Variants in ARRB1 observed in about 807,000 individuals in gnomAD.
The protein encoded by ARRB1 is arrestin beta 1, also known as beta-arrestin-1.
In ARRB1, 21 loss-of-function variants were observed where a neutral mutation model predicts 56.8. The observed-to-expected ratio is 0.37, with a 90% CI of 0.26 to 0.53. The LOEUF (loss-of-function observed/expected upper bound fraction) is 0.53, where lower values mean the gene tolerates loss of function less well. ARRB1 is among the 20% of genes least tolerant of loss of function. ARRB1 has a pLI of 0.88. For synonymous variants in ARRB1, 210 were observed against 218.6 expected (o/e 0.96, Z 0.35); for missense variants, 424 against 553.7 (o/e 0.77, Z 2.35).
intron 6 of ARRB1, chr11:75,281,496 G>A: frequency 2.8e-6 from 1 of 353,486 alleles, no homozygotes; most frequent in Non-Finnish European, 5.2e-6. Context: ...GGCCCTGGGT[G>A]GCTTATCCGG....
chr11:75,322,405 C>T (rs1477575539), intron 1 of ARRB1, among the ~76,000 whole-genome samples: 2 of 152,220 alleles, frequency 1.3e-5, no homozygotes, highest in Admixed American at 6.5e-5. Flanking sequence ...ACTTGGGATT[C>T]TGAGGCAGGA....
intron 1 of ARRB1, among the ~76,000 whole-genome samples, chr11:75,317,653 T>C (rs685929): frequency 0.1 from 15,778 of 152,202 alleles, 902 homozygotes; most frequent in Middle Eastern, 0.21. Flanking sequence ...TCTGTTTTGC[T>C]GCCATGGTAT....
At chr11:75,290,683 A>G (rs1946589724) in intron 1 of ARRB1, among the ~76,000 whole-genome samples, 1 of 152,132 alleles carries the variant, frequency 6.6e-6, no homozygotes, top group African/African-American at 2.4e-5. Flanking sequence ...CCTGGGCTCA[A>G]ACGATCCTCC....
At position 75,267,718 on chromosome 11, in the gene ARRB1, G is replaced by A. The variant is rs368456864; in HGVS notation, c.1094-15C>T. ...GTTCTCTGGAACTAAACACAGGGTG[G>A]GTGGGCAGGGTGTCCAGGGATTAGT... On this transcript the variant is annotated splice_polypyrimidine_tract_variant and intron_variant, in intron 14 of 15. Transcript: ENST00000420843. 13 of 1,559,264 alleles carry A rather than the reference G, an allele frequency of 8.3e-6. No homozygotes were observed. In the African/African-American group the frequency reaches 1.5e-4, roughly 18 times the overall value.
At chr11:75,315,756 G>C (rs1490316684) in intron 1 of ARRB1, among the ~76,000 whole-genome samples, 1 of 152,142 alleles carries the variant, frequency 6.6e-6, no homozygotes, top group South Asian at 2.1e-4. Context: ...GGATACTTAG[G>C]CATCAGACCA....
At chr11:75,328,167 G>A (rs1947470759) in intron 1 of ARRB1, among the ~76,000 whole-genome samples, 1 of 152,074 alleles carries the variant, frequency 6.6e-6, no homozygotes, top group Admixed American at 6.6e-5. Context: ...TCTCTATTCT[G>A]GATATTTCAT....
At chr11:75,318,400 C>T (rs2140492126) in intron 1 of ARRB1, among the ~76,000 whole-genome samples, 1 of 152,186 alleles carries the variant, frequency 6.6e-6, no homozygotes, top group South Asian at 2.1e-4. Context: ...CTCAAAAGAT[C>T]TCCCCATGGC....
At chr11:75,326,158 T>C (rs1409367356) in intron 1 of ARRB1, among the ~76,000 whole-genome samples, 1 of 152,004 alleles carries the variant, frequency 6.6e-6, no homozygotes, top group Non-Finnish European at 1.5e-5. Flanking sequence ...CAGGAGGTGA[T>C]GAAGAATTTT....
intron 11 of ARRB1, 112 bp downstream of exon 11, chr11:75,273,962 G>T: frequency 6.6e-7 from 1 of 1,518,436 alleles, no homozygotes. Flanking sequence ...CCCTGACAAG[G>T]CTATGGAGAG....
intron 1 of ARRB1, among the ~76,000 whole-genome samples, chr11:75,322,557 C>T (rs1454591928): frequency 6.6e-6 from 1 of 152,082 alleles, no homozygotes; most frequent in Non-Finnish European, 1.5e-5. Flanking sequence ...TGGGAGGGTT[C>T]TAGGGGAAGA....
intron 7 of ARRB1, among the ~76,000 whole-genome samples, chr11:75,279,404 C>T (rs1367127607): frequency 1.3e-5 from 2 of 152,060 alleles, no homozygotes; most frequent in African/African-American, 2.4e-5. Context: ...ATGAAGATTA[C>T]AGGGGATCAG....
intron 1 of ARRB1, among the ~76,000 whole-genome samples, chr11:75,306,271 G>T (rs747170400): frequency 1.1e-4 from 17 of 152,122 alleles, no homozygotes; most frequent in Non-Finnish European, 1.9e-4. Flanking sequence ...ACCGATGCCA[G>T]TAAGTCCAAA....
chr11:75,271,826 G>A (rs1419309605), intron 12 of ARRB1, 102 bp from the exon 13 acceptor site: 2 of 1,322,550 alleles, frequency 1.5e-6, no homozygotes, highest in African/African-American at 1.5e-5. Context: ...CCCCCGGATA[G>A]AGAAGACCCA....
chr11:75,334,977 A>G (rs916472165), intron 1 of ARRB1: 13 of 166,898 alleles, frequency 7.8e-5, no homozygotes, highest in African/African-American at 3.1e-4. Context: ...GAGTACAAAA[A>G]TAATTTCCTT....
chr11:75,350,045 C>G (rs1486951699), intron 1 of ARRB1, among the ~76,000 whole-genome samples: 2 of 152,226 alleles, frequency 1.3e-5, no homozygotes, highest in Non-Finnish European at 2.9e-5. Context: ...AAATTAACCT[C>G]CTGGAAGAGC....
At chr11:75,344,077 A>G (rs1263833423) in intron 1 of ARRB1, among the ~76,000 whole-genome samples, 2 of 152,198 alleles carry the variant, frequency 1.3e-5, no homozygotes, top group African/African-American at 4.8e-5. Flanking sequence ...TCGGCCTCCC[A>G]AAGTGCTGTG....
intron 1 of ARRB1, among the ~76,000 whole-genome samples, chr11:75,314,384 A>G (rs993294459): frequency 2.6e-5 from 4 of 152,202 alleles, no homozygotes; most frequent in Non-Finnish European, 5.9e-5. Flanking sequence ...CCCCCCCTCC[A>G]GCAGAAATGC....
chr11:75,334,413 C>T (rs1947570779), intron 1 of ARRB1, among the ~76,000 whole-genome samples: 1 of 152,024 alleles, frequency 6.6e-6, no homozygotes, highest in African/African-American at 2.4e-5. Flanking sequence ...TTCGTCTGAC[C>T]ACCTCACCCC....
Position 75,344,767 on chromosome 11 carries a change from C to T in ARRB1, c.20+6821G>A, listed in dbSNP as rs781774329. Among the ~76,000 whole-genome samples the T allele has an allele frequency of 4.1e-4, 62 of 152,130 alleles. 1 individual carries two copies. The highest frequency in any genetic ancestry group is 2.6e-4 in the Non-Finnish European group (18 of 68,008). On this transcript the variant is annotated intron_variant, in intron 1 of 15. Coordinates refer to ENST00000420843, the MANE Select transcript of ARRB1 (RefSeq NM_004041.5). Reference sequence around the variant, plus strand: ...AGACAAGGCCCCAACTTCAGGAGCCCCCAGTGTGATGGGGGAAGAAAGGAA... The same window carrying T: ...AGACAAGGCCCCAACTTCAGGAGCCTCCAGTGTGATGGGGGAAGAAAGGAA...
Sources: allele counts gnomAD v4.1 joint callset (sites outside exome capture counted in the v4.1 genomes callset), GRCh38; gene constraint gnomAD v4.1.1; transcripts MANE v1.5; gene names NCBI Gene and HGNC (gene_info 2026-07-23, HGNC 2026-07-21).